Variants in SCGB2B2 observed in about 807,000 individuals in gnomAD.
SCGB2B2 encodes the protein secretoglobin family 2B member 2.
In SCGB2B2, 11 loss-of-function variants were observed where a neutral mutation model predicts 7.6. The ratio of observed to expected loss-of-function variants is 1.45; its 90% CI spans 0.91 to 2.40. SCGB2B2 has a LOEUF of 2.40. Ranked by LOEUF, SCGB2B2 falls within the 30% of genes most tolerant of loss-of-function variation. The probability of loss-of-function intolerance (pLI) is 0.00; values close to 1 mark genes in which losing one functional copy is unlikely to be tolerated. For missense variants in SCGB2B2, 104 were observed against 115.4 expected, an observed-to-expected ratio of 0.90 and a Z score of 0.45; for synonymous variants, 50 against 48.6, an observed-to-expected ratio of 1.03 and a Z score of -0.12.
intron 1 of SCGB2B2, among the ~76,000 whole-genome samples, chr19:34,663,739 GA>G (rs2067528985): frequency 6.6e-6 from 1 of 152,124 alleles, no homozygotes; most frequent in Non-Finnish European, 1.5e-5. Context: ...AGAAAGATGA[GA>G]GGCCATGGGA....
intron 1 of SCGB2B2, among the ~76,000 whole-genome samples, chr19:34,639,872 C>T (rs890636715): frequency 9.2e-5 from 14 of 152,010 alleles, no homozygotes; most frequent in South Asian, 2.1e-4. Flanking sequence ...AAATGATCAT[C>T]GGCCTTGAAA....
At chr19:34,664,088 C>A (rs1010694816) in intron 1 of SCGB2B2, among the ~76,000 whole-genome samples, 2 of 151,894 alleles carry the variant, frequency 1.3e-5, no homozygotes, top group East Asian at 1.9e-4. Flanking sequence ...CTGCCCACAA[C>A]CCTAAGGTGA....
intron 1 of SCGB2B2, among the ~76,000 whole-genome samples, chr19:34,674,161 T>C (rs2067866862): frequency 6.6e-6 from 1 of 152,198 alleles, no homozygotes; most frequent in Non-Finnish European, 1.5e-5. Flanking sequence ...AGTGAGATCA[T>C]GAGGAAAAGC....
Position 34,630,567 on chromosome 19 carries a change from C to T in SCGB2B2, c.-2031-33973G>A, listed in dbSNP as rs998500405. Among the ~76,000 whole-genome samples, 59 of 151,970 alleles carry T rather than the reference C, an allele frequency of 3.9e-4. 1 individual carries two copies. Among genetic ancestry groups the T allele is most frequent in the Non-Finnish European group, 7.4e-4 (50 of 67,904 alleles). ...TGCAAATCAAAACAACAATGAGATACCATCTCACGCCAGTTAGAATGGCGA... is the reference window on the plus strand; with the variant it reads ...TGCAAATCAAAACAACAATGAGATATCATCTCACGCCAGTTAGAATGGCGA... On this transcript the variant is annotated intron_variant, in intron 1 of 3. Coordinates refer to ENST00000601241, the MANE Select transcript of SCGB2B2 (RefSeq NM_001025591.4).
intron 1 of SCGB2B2, among the ~76,000 whole-genome samples, chr19:34,672,033 T>C (rs1299712064): frequency 6.6e-6 from 1 of 152,200 alleles, no homozygotes; most frequent in Non-Finnish European, 1.5e-5. Context: ...CCAAACTACC[T>C]TGGAGGCTGA....
chr19:34,636,951 C>A (rs7253308), intron 1 of SCGB2B2, among the ~76,000 whole-genome samples: 133,402 of 152,134 alleles, frequency 0.88, 59,133 homozygotes, highest in Middle Eastern at 0.92. Context: ...GGGAAAGACA[C>A]GACAGGTGAG....
At chr19:34,658,038 T>C (rs1034842207) in intron 1 of SCGB2B2, among the ~76,000 whole-genome samples, 2 of 152,152 alleles carry the variant, frequency 1.3e-5, no homozygotes, top group Non-Finnish European at 2.9e-5. Context: ...AAGATCTTCT[T>C]TGAAACCAAT....
At chr19:34,657,742 G>A (rs939710225) in intron 1 of SCGB2B2, among the ~76,000 whole-genome samples, 11 of 150,288 alleles carry the variant, frequency 7.3e-5, no homozygotes, top group South Asian at 2.1e-4. Context: ...TGCACCAAGC[G>A]GACCTAATAG....
chr19:34,661,099 G>T (rs990348528), intron 1 of SCGB2B2, among the ~76,000 whole-genome samples: 4 of 121,066 alleles, frequency 3.3e-5, no homozygotes, highest in African/African-American at 1.3e-4. Flanking sequence ...ACAGGGCAGG[G>T]AATATCACAT....
chr19:34,671,797 T>G (rs2067809869), intron 1 of SCGB2B2, among the ~76,000 whole-genome samples: 1 of 152,204 alleles, frequency 6.6e-6, no homozygotes, highest in Non-Finnish European at 1.5e-5. Flanking sequence ...TTTTAAAAAA[T>G]TATTATTTAC....
chr19:34,592,488 G>C lies in SCGB2B2; in HGVS notation c.*1067C>G, dbSNP rs975161372. Among the ~76,000 whole-genome samples, 1 of 152,122 alleles carries C rather than the reference G, an allele frequency of 6.6e-6. No individual in the cohort carries two copies. The highest frequency in any genetic ancestry group is 2.4e-5 in the African/African-American group (1 of 41,428). On this transcript the variant is annotated 3_prime_UTR_variant, in exon 4 of 4. Transcript: ENST00000601241. ...AGGGTGTCATCTGAGAGACACCTGG[G>C]TGGGAGGGAGAGGGAGGAGTCTAGG...
At chr19:34,635,090 A>G (rs559624772) in intron 1 of SCGB2B2, 1 of 291,236 alleles carries the variant, frequency 3.4e-6, no homozygotes, top group Admixed American at 3.8e-5. Flanking sequence ...CATTCACTAC[A>G]CTTATAAGGC....
chr19:34,673,449 A>G (rs2067849320), intron 1 of SCGB2B2, among the ~76,000 whole-genome samples: 1 of 152,216 alleles, frequency 6.6e-6, no homozygotes. Flanking sequence ...TTGTTCAGGA[A>G]GGAATTTAAG....
chr19:34,597,144 G>C (rs529518697), intron 1 of SCGB2B2, among the ~76,000 whole-genome samples: 2 of 152,042 alleles, frequency 1.3e-5, no homozygotes, highest in South Asian at 2.1e-4. Flanking sequence ...CCACTCACCT[G>C]TGACTCCCAT....
chr19:34,600,528 C>T (rs1028417387), intron 1 of SCGB2B2, among the ~76,000 whole-genome samples: 3 of 152,206 alleles, frequency 2.0e-5, no homozygotes, highest in African/African-American at 7.2e-5. Context: ...TTTCCTGCTG[C>T]TCTAGATTGC....
chr19:34,675,113 AT>A (rs1461673534), intron 1 of SCGB2B2, among the ~76,000 whole-genome samples: 1 of 152,212 alleles, frequency 6.6e-6, no homozygotes, highest in Non-Finnish European at 1.5e-5. Context: ...GTGAGTTACT[AT>A]TTCACACCTA....
chr19:34,671,641 C>T (rs1198119594), intron 1 of SCGB2B2, among the ~76,000 whole-genome samples: 2 of 152,106 alleles, frequency 1.3e-5, no homozygotes, highest in South Asian at 2.1e-4. Flanking sequence ...TTATTTAGAT[C>T]TTTAATTTTC....
intron 1 of SCGB2B2, chr19:34,635,857 A>G (rs897769): frequency 0.32 from 48,886 of 153,956 alleles, 8,577 homozygotes; most frequent in Middle Eastern, 0.47. Flanking sequence ...CCCTATCCTT[A>G]TCTCTGCTGA....
chr19:34,592,049 G>C lies in SCGB2B2; in HGVS notation c.*1506C>G, dbSNP rs1015382955. Among the ~76,000 whole-genome samples, 3 of 152,198 alleles carry C rather than the reference G, an allele frequency of 2.0e-5. No individual in the cohort carries two copies. The highest frequency in any genetic ancestry group is 4.4e-5 in the Non-Finnish European group (3 of 68,036). On this transcript the variant is annotated 3_prime_UTR_variant, in exon 4 of 4. Coordinates refer to ENST00000601241, the MANE Select transcript of SCGB2B2 (RefSeq NM_001025591.4). ...GGCTGAGTGGATGGGTGATGACTGG[G>C]ATGGAAAGTGCATTAAATGAGGCCA... is the stretch of plus-strand genomic sequence containing the variant.
Sources: allele counts gnomAD v4.1 joint callset (sites outside exome capture counted in the v4.1 genomes callset), GRCh38; gene constraint gnomAD v4.1.1; transcripts MANE v1.5; gene names NCBI Gene and HGNC (gene_info 2026-07-23, HGNC 2026-07-21).